Variants in PTPRD observed in about 807,000 individuals in gnomAD.
The protein encoded by PTPRD is receptor-type tyrosine-protein phosphatase delta.
In PTPRD, 34 loss-of-function variants were observed where a neutral mutation model predicts 214.5. That is an observed-to-expected ratio of 0.16 (90% CI 0.12 to 0.21). The LOEUF is 0.21. Ranked by LOEUF, PTPRD falls within the 10% of genes least tolerant of loss-of-function variation. The pLI, the probability that PTPRD is intolerant of heterozygous loss-of-function variation, is 1.00. For synonymous variants in PTPRD, 1,128 were observed against 845.7 expected (o/e 1.33, Z -5.79); for missense variants, 2,545 against 2,398.7 (o/e 1.06, Z -1.27).
At chr9:9,962,540 C>A (rs1566764462) in intron 4 of PTPRD, among the ~76,000 whole-genome samples, 1 of 152,078 alleles carries the variant, frequency 6.6e-6, no homozygotes, top group Non-Finnish European at 1.5e-5. Context: ...AAGCCACAGT[C>A]AATATTTAGA....
At chr9:8,769,183 T>G (rs990390278) in intron 11 of PTPRD, among the ~76,000 whole-genome samples, 1 of 152,266 alleles carries the variant, frequency 6.6e-6, no homozygotes, top group African/African-American at 2.4e-5. Context: ...TGATTTATGT[T>G]ATAATGTTTA....
intron 3 of PTPRD, among the ~76,000 whole-genome samples, chr9:10,231,316 GA>G (rs762007693): frequency 9.2e-4 from 139 of 151,114 alleles, no homozygotes; most frequent in Non-Finnish European, 1.7e-3. Context: ...TGTGAGGGGG[GA>G]AAACACTCAG....
intron 12 of PTPRD, among the ~76,000 whole-genome samples, chr9:8,671,220 G>A (rs1596522696): frequency 6.6e-6 from 1 of 152,034 alleles, no homozygotes; most frequent in East Asian, 1.9e-4. Context: ...GAAAAATGAT[G>A]CGATACTTCT....
intron 3 of PTPRD, among the ~76,000 whole-genome samples, chr9:10,238,651 T>A (rs1442357494): frequency 6.6e-6 from 1 of 151,956 alleles, no homozygotes; most frequent in African/African-American, 2.4e-5. Context: ...TTAACCTATA[T>A]TCATGGGATT....
At chr9:10,379,517 C>T (rs1050206074) in intron 2 of PTPRD, among the ~76,000 whole-genome samples, 1 of 151,730 alleles carries the variant, frequency 6.6e-6, no homozygotes, top group African/African-American at 2.4e-5. Context: ...TTTACTTATT[C>T]CATATGAATT....
intron 9 of PTPRD, among the ~76,000 whole-genome samples, chr9:9,190,290 G>T (rs1048510963): frequency 2.6e-5 from 4 of 152,024 alleles, no homozygotes; most frequent in Non-Finnish European, 5.9e-5. Context: ...AATTTGAATT[G>T]TATCTCCCAG....
intron 3 of PTPRD, among the ~76,000 whole-genome samples, chr9:10,283,909 G>A (rs1379675667): frequency 6.6e-6 from 1 of 152,178 alleles, no homozygotes; most frequent in Non-Finnish European, 1.5e-5. Flanking sequence ...GTTGCACCAT[G>A]AGGAAATTGG....
At chr9:9,970,579 C>T (rs190167600) in intron 4 of PTPRD, among the ~76,000 whole-genome samples, 22 of 152,238 alleles carry the variant, frequency 1.4e-4, no homozygotes, top group East Asian at 9.6e-4. Context: ...CTCCTCCCCC[C>T]ACACAGGGCA....
intron 3 of PTPRD, among the ~76,000 whole-genome samples, chr9:10,135,311 T>C (rs2098934054): frequency 6.6e-6 from 1 of 152,118 alleles, no homozygotes; most frequent in African/African-American, 2.4e-5. Flanking sequence ...TATTTGAGGA[T>C]ACAGTCCATA....
chr9:9,289,929 A>G (rs1448953302), intron 9 of PTPRD, among the ~76,000 whole-genome samples: 1 of 151,726 alleles, frequency 6.6e-6, no homozygotes, highest in Non-Finnish European at 1.5e-5. Flanking sequence ...AGCACTGCAG[A>G]TATTATTTCA....
chr9:8,480,623 A>G (rs2096861518), intron 30 of PTPRD, among the ~76,000 whole-genome samples: 1 of 152,212 alleles, frequency 6.6e-6, no homozygotes, highest in Admixed American at 6.5e-5. Context: ...ACGTATCCCC[A>G]AACTCATTGA....
chr9:8,974,948 T>G (rs1385704296), intron 11 of PTPRD, among the ~76,000 whole-genome samples: 4 of 151,498 alleles, frequency 2.6e-5, no homozygotes, highest in Non-Finnish European at 4.4e-5. Flanking sequence ...AATATAAAAA[T>G]TACCTAGGTG....
chr9:8,424,259 A>G (rs2094527425), intron 35 of PTPRD, among the ~76,000 whole-genome samples: 1 of 152,170 alleles, frequency 6.6e-6, no homozygotes, highest in South Asian at 2.1e-4. Flanking sequence ...CAAATTTTCC[A>G]TGGTGAAAAC....
intron 11 of PTPRD, among the ~76,000 whole-genome samples, chr9:8,926,740 C>G (rs1225668030): frequency 6.6e-6 from 1 of 152,204 alleles, no homozygotes; most frequent in Non-Finnish European, 1.5e-5. Flanking sequence ...CTTGGCTGCC[C>G]TTCAGGCAGG....
intron 4 of PTPRD, among the ~76,000 whole-genome samples, chr9:9,943,869 C>T (rs2092099686): frequency 6.6e-6 from 1 of 152,058 alleles, no homozygotes; most frequent in African/African-American, 2.4e-5. Context: ...GACTGCTAGC[C>T]CCAGCTCTCA....
At chr9:9,025,137 G>A (rs1768414596) in intron 10 of PTPRD, among the ~76,000 whole-genome samples, 1 of 151,910 alleles carries the variant, frequency 6.6e-6, no homozygotes, top group African/African-American at 2.4e-5. Flanking sequence ...CCTTGAAAGT[G>A]TGCAAACATT....
chr9:10,023,153 AAT>A (rs1281013986), intron 4 of PTPRD, among the ~76,000 whole-genome samples: 3 of 152,216 alleles, frequency 2.0e-5, no homozygotes, highest in East Asian at 1.9e-4. Context: ...TAAATCATTA[AAT>A]ATGTTTCTAT....
chr9:8,424,939 G>C (rs971993875), intron 35 of PTPRD, among the ~76,000 whole-genome samples: 2 of 152,160 alleles, frequency 1.3e-5, no homozygotes, highest in East Asian at 3.9e-4. Flanking sequence ...ACGATGGAAA[G>C]ACTAATGTTT....
chr9:8,609,026 G>C (rs929101550), intron 14 of PTPRD, among the ~76,000 whole-genome samples: 1 of 152,140 alleles, frequency 6.6e-6, no homozygotes, highest in African/African-American at 2.4e-5. Flanking sequence ...CAGAGGACCA[G>C]AGTCATCTGT....
Sources: allele counts gnomAD v4.1 joint callset (sites outside exome capture counted in the v4.1 genomes callset), GRCh38; gene constraint gnomAD v4.1.1; transcripts MANE v1.5; gene names NCBI Gene and HGNC (gene_info 2026-07-23, HGNC 2026-07-21).